CDH7: variants seen among roughly 807,000 people sequenced by gnomAD.
CDH7 encodes the protein cadherin 7.
In CDH7, 25 loss-of-function variants were observed where a neutral mutation model predicts 71.8. The ratio of observed to expected loss-of-function variants is 0.35; its 90% CI spans 0.25 to 0.49. The LOEUF (loss-of-function observed/expected upper bound fraction) is 0.49, where lower values mean the gene tolerates loss of function less well. Among genes scored for constraint, CDH7 ranks in the 20% least tolerant of loss-of-function variants. The pLI is 0.99. For missense variants in CDH7, 862 were observed against 974.6 expected (o/e 0.88, Z 1.54); for synonymous variants, 381 against 363.8 (o/e 1.05, Z -0.54).
chr18:65,763,324 T>G (rs1027957217), intron 2 of CDH7, among the ~76,000 whole-genome samples: 3 of 152,162 alleles, frequency 2.0e-5, no homozygotes, highest in African/African-American at 7.2e-5. Flanking sequence ...CCTAGTTTAC[T>G]CTGGTTGTAA....
chr18:65,853,480 G>T (rs1599052370), intron 7 of CDH7, among the ~76,000 whole-genome samples: 1 of 152,030 alleles, frequency 6.6e-6, no homozygotes, highest in Non-Finnish European at 1.5e-5. Flanking sequence ...TCTCACCTAA[G>T]GATTTTTTTT....
Position 65,837,924 on chromosome 18 carries a change from A to ATTTTTT in CDH7, c.982-5875_982-5870dup, listed in dbSNP as rs67650944. ...TATGTTTATTTAGAGATTTAGAGTA[A>ATTTTTT]TTTTTTTTTTTTTTTTTTGAGACGA... On this transcript the variant is annotated intron_variant, in intron 6 of 11. Coordinates refer to ENST00000397968, the MANE Select transcript of CDH7 (RefSeq NM_004361.5). Among the ~76,000 whole-genome samples, 15 of 133,318 alleles carry ATTTTTT rather than the reference A, an allele frequency of 1.1e-4. 1 individual carries two copies. The highest frequency in any genetic ancestry group is 3.1e-4 in the African/African-American group (11 of 35,128). The allele number at this position is 133,318 out of a possible 152,430, so 87.5% of individuals were successfully genotyped here. A position where few individuals can be genotyped will look rare whatever the true frequency, so the allele number is the denominator to read the frequency against.
chr18:65,840,104 T>C (rs1912674281), intron 6 of CDH7, among the ~76,000 whole-genome samples: 1 of 152,226 alleles, frequency 6.6e-6, no homozygotes. Context: ...AGTCTAATAG[T>C]CACTAATATT....
chr18:65,880,661 G>C lies in CDH7; in HGVS notation c.2125G>C (p.Glu709Gln). The change falls in exon 12 of 12, where the codon GAA (glutamate) becomes CAA (glutamine). Residue 709 changes from glutamate to glutamine, a missense_variant. Transcript: ENST00000397968. The part of the protein sequence containing the change: ...KSIPDNVIFR[E>Q]FIWERLKEAD... ...CATCCCAGATAATGTCATCTTTAGG[G>C]AATTTATTTGGGAAAGATTAAAAGA... is the stretch of plus-strand genomic sequence containing the variant. 1.2e-6 allele frequency: 2 copies of C among 1,613,898 alleles called. No individual in the cohort carries two copies. The highest frequency in any genetic ancestry group is 1.7e-6 in the Non-Finnish European group (2 of 1,179,982).
chr18:65,853,357 T>C (rs2587443), intron 7 of CDH7, among the ~76,000 whole-genome samples: 12,557 of 150,306 alleles, frequency 0.084, 1,709 homozygotes, highest in African/African-American at 0.29. Flanking sequence ...GTGTTTCCTT[T>C]CAGACTTCTT....
At chr18:65,863,567 C>T (rs1913655242) in intron 11 of CDH7, 1 of 152,158 alleles carries the variant, frequency 6.6e-6, no homozygotes, top group Non-Finnish European at 1.5e-5. Context: ...CTGGAGAATA[C>T]ATTTTCTATA....
In CDH7 at chr18:65,783,201, G is replaced by T. The variant is rs182594424; in HGVS notation, c.210+20149G>T. ...TCTATTCAGGAAAGAGTAAGCATTT[G>T]GACCACAGTGCATGAAAACTTCAAC... is the stretch of plus-strand genomic sequence containing the variant. On this transcript the variant is annotated intron_variant, in intron 2 of 11. Transcript: ENST00000397968. 1.6e-4 allele frequency among the ~76,000 whole-genome samples: 24 copies of T among 152,170 alleles called. No homozygotes were observed. The East Asian group carries it at 4.4e-3, about 28-fold the overall frequency.
At chr18:65,853,127 T>C (rs1913208228) in intron 7 of CDH7, among the ~76,000 whole-genome samples, 1 of 152,178 alleles carries the variant, frequency 6.6e-6, no homozygotes, top group Admixed American at 6.5e-5. Flanking sequence ...TCCGCTCCAA[T>C]ATACACTAAA....
rs138029911 is a variant in CDH7 at position 65,769,452 on chromosome 18, T to C, written c.210+6400T>C. On this transcript the variant is annotated intron_variant, in intron 2 of 11. Transcript: ENST00000397968. ...TTATTTTGAACTAATTTCAAACTTA[T>C]AAATAAGTTGCAAAGTGCTATTCTC... Among the ~76,000 whole-genome samples, 891 of 152,332 alleles carry C rather than the reference T, an allele frequency of 5.8e-3. 4 individuals are homozygous for C. Among genetic ancestry groups the C allele is most frequent in the Middle Eastern group, 0.014 (4 of 294 alleles).
rs115437583 is a variant in CDH7, at chr18:65,855,502, T to A, written c.1236-2314T>A. Among the ~76,000 whole-genome samples, 650 of 132,334 alleles carry A rather than the reference T, an allele frequency of 4.9e-3. 8 individuals carry two copies. The highest frequency in any genetic ancestry group is 0.015 in the African/African-American group (601 of 39,724). The allele number at this position is 132,334 out of a possible 152,430, so 86.8% of individuals were successfully genotyped here. ...TTCAATGAAATTAGGCAATTTAGAA[T>A]AAACGGATCAATTTTTCAAAAAGTG... On this transcript the variant is annotated intron_variant, in intron 7 of 11. Coordinates refer to ENST00000397968, the MANE Select transcript of CDH7 (RefSeq NM_004361.5).
chr18:65,795,928 C>T (rs868083456), intron 2 of CDH7, among the ~76,000 whole-genome samples: 2 of 151,144 alleles, frequency 1.3e-5, no homozygotes, highest in South Asian at 4.2e-4. Flanking sequence ...TTTTGCTTAG[C>T]CCTCATTCTC....
chr18:65,754,247 A>G (rs2143768665), intron 1 of CDH7, among the ~76,000 whole-genome samples: 1 of 152,262 alleles, frequency 6.6e-6, no homozygotes, highest in African/African-American at 2.4e-5. Flanking sequence ...TCTGTAATCC[A>G]CTTTGAGAAG....
intron 2 of CDH7, among the ~76,000 whole-genome samples, chr18:65,807,021 A>C (rs1911350989): frequency 6.6e-6 from 1 of 150,868 alleles, no homozygotes; most frequent in African/African-American, 2.4e-5. Flanking sequence ...TTAGAAGCCT[A>C]GTGATGGTAC....
At chr18:65,766,498 T>C (rs1239703269) in intron 2 of CDH7, among the ~76,000 whole-genome samples, 1 of 152,106 alleles carries the variant, frequency 6.6e-6, no homozygotes, top group East Asian at 1.9e-4. Flanking sequence ...GGCTCAGACT[T>C]CTGGGCTATG....
chr18:65,803,036 G>T (rs1911182499), intron 2 of CDH7: 1 of 152,122 alleles, frequency 6.6e-6, no homozygotes, highest in African/African-American at 2.4e-5. Flanking sequence ...TGGAAATTTT[G>T]ATTTTACAAA....
chr18:65,805,555 A>T (rs1911285577), intron 2 of CDH7, among the ~76,000 whole-genome samples: 1 of 152,246 alleles, frequency 6.6e-6, no homozygotes, highest in Admixed American at 6.5e-5. Context: ...TAAATGTTCC[A>T]TTCACTTTGA....
At chr18:65,856,326 C>A (rs751084261) in intron 7 of CDH7, among the ~76,000 whole-genome samples, 7 of 151,990 alleles carry the variant, frequency 4.6e-5, no homozygotes, top group Non-Finnish European at 7.4e-5. Context: ...AATGTAATAT[C>A]CATATACACA....
intron 1 of CDH7, among the ~76,000 whole-genome samples, chr18:65,752,499 A>G (rs1915911473): frequency 6.6e-6 from 1 of 152,246 alleles, no homozygotes; most frequent in African/African-American, 2.4e-5. Flanking sequence ...CTCACCAAGA[A>G]TTACTTCTTT....
intron 2 of CDH7, among the ~76,000 whole-genome samples, chr18:65,772,884 A>G (rs952546150): frequency 1.6e-4 from 25 of 152,276 alleles, no homozygotes; most frequent in African/African-American, 5.8e-4. Flanking sequence ...TTACGATCCA[A>G]TTAAGATTTC....
Sources: allele counts gnomAD v4.1 joint callset (sites outside exome capture counted in the v4.1 genomes callset), GRCh38; gene constraint gnomAD v4.1.1; transcripts MANE v1.5; gene names NCBI Gene and HGNC (gene_info 2026-07-23, HGNC 2026-07-21).